The following CRYBG3 variants were observed in gnomAD, a reference collection of about 807,000 sequenced individuals.
CRYBG3 encodes very large A-kinase anchor protein.
In CRYBG3, 127 loss-of-function variants were observed where a neutral mutation model predicts 244.2. That is an observed-to-expected ratio of 0.52 (90% CI 0.45 to 0.60). The LOEUF is 0.60. Ranked by LOEUF, CRYBG3 falls within the 20% of genes least tolerant of loss-of-function variation. The pLI, the probability that CRYBG3 is intolerant of heterozygous loss-of-function variation, is 0.00. For synonymous variants in CRYBG3, 1,132 were observed against 1,195.8 expected, an observed-to-expected ratio of 0.95 and a Z score of 1.10; for missense variants, 3,325 against 3,442.5, an observed-to-expected ratio of 0.97 and a Z score of 0.85.
At position 97,912,277 on chromosome 3, in the gene CRYBG3, G is replaced by A; in HGVS notation, c.8114+1G>A. ...GTTCTTTTAAAGTTCTTCGAGGTTG[G>A]TAAGTATGCTTACTTAGTGGTTTCT... On this transcript the variant is annotated splice_donor_variant, in intron 16 of 21. Coordinates refer to ENST00000389622, the MANE Select transcript of CRYBG3 (RefSeq NM_153605.4). LOFTEE classifies it high-confidence loss of function. The A allele has an allele frequency of 6.6e-7, 1 of 1,516,874 alleles. No homozygotes were observed. The highest frequency in any genetic ancestry group is 9.1e-7 in the Non-Finnish European group (1 of 1,101,082). The allele number at this position is 1,516,874 out of a possible 1,614,324, so 94.0% of individuals were successfully genotyped here. A position where few individuals can be genotyped will look rare whatever the true frequency, so the allele number is the denominator to read the frequency against.
intron 1 of CRYBG3, among the ~76,000 whole-genome samples, chr3:97,842,416 C>T (rs751327110): frequency 3.9e-5 from 6 of 151,944 alleles, no homozygotes. Context: ...AATGAAATAA[C>T]TGGGCATGGT....
At position 97,879,704 on chromosome 3, in the gene CRYBG3, A is replaced by C. The variant is rs1252655831; in HGVS notation, c.6844A>C (p.Asn2282His). The C allele has an allele frequency of 1.3e-6, 2 of 1,598,160 alleles. No individual in the cohort carries two copies. The highest frequency in any genetic ancestry group is 1.7e-5 in the Admixed American group (1 of 57,628). The part of the protein sequence containing the change: ...SPGRLSPFIE[N>H]VDKQTLRCNP... ...TACTTTTCCACTTTTATTATTTCAG[A>C]ATGTTGACAAACAAACTCTGAGATG... Residue 2282 changes from asparagine (N) to histidine (H), a missense_variant and splice_region_variant, in exon 5 of 22, where the codon AAT (asparagine) becomes CAT (histidine). This residue lies in a region of CRYBG3 where 450 missense variants were observed against 424.1 expected (regional missense o/e 1.06). Transcript: ENST00000389622.
Position 97,889,342 on chromosome 3 carries a change from T to G in CRYBG3, c.7405-13T>G, listed in dbSNP as rs762043098. The G allele has an allele frequency of 1.3e-6, 2 of 1,594,032 alleles. No individual in the cohort carries two copies. Among genetic ancestry groups the G allele is most frequent in the Non-Finnish European group, 1.7e-6 (2 of 1,162,066 alleles). Reference sequence around the variant, plus strand: ...TTTACCTGTCTAATATTAAACTATCTTGTCATCTTAAGGGTGGACTGAAAG... The same window carrying G: ...TTTACCTGTCTAATATTAAACTATCGTGTCATCTTAAGGGTGGACTGAAAG... On this transcript the variant is annotated splice_polypyrimidine_tract_variant and intron_variant, in intron 9 of 21. Transcript: ENST00000389622.
chr3:97,934,647 G>A (rs951170427), intron 18 of CRYBG3, among the ~76,000 whole-genome samples: 10 of 152,026 alleles, frequency 6.6e-5, no homozygotes, highest in African/African-American at 2.2e-4. Flanking sequence ...ATAAGTGGAG[G>A]TGAAAATTAA....
Position 97,874,400 on chromosome 3 carries a change from A to C in CRYBG3, c.3206A>C (p.Glu1069Ala). 1 of 1,534,110 alleles carries C rather than the reference A, an allele frequency of 6.5e-7. No individual in the cohort carries two copies. Among genetic ancestry groups the C allele is most frequent in the Non-Finnish European group, 8.7e-7 (1 of 1,146,342 alleles). ...SVSSSSSYPE[E>A]VSMIVNSHKP... ...TCATCTTCCTCTAGTTACCCTGAAG[A>C]AGTTAGCATGATAGTAAATTCACAT... Residue 1069 changes from glutamate to alanine, a missense_variant, in exon 4 of 22, where the codon GAA (glutamate) becomes GCA (alanine). Glu to Ala is a moderately radical substitution (Grantham distance 107, BLOSUM62 -1). This residue lies in a region of CRYBG3 where 1,526 missense variants were observed against 1,443.2 expected (regional missense o/e 1.06). Coordinates refer to ENST00000389622, the MANE Select transcript of CRYBG3 (RefSeq NM_153605.4).
rs1224980602 is a variant in CRYBG3, at chr3:97,873,715, G to T, written c.2521G>T (p.Val841Leu). The change falls in exon 4 of 22, where the codon GTA becomes TTA. Residue 841 changes from valine (V) to leucine (L), a missense_variant. Val to Leu is a conservative substitution (Grantham distance 32, BLOSUM62 1). Coordinates refer to ENST00000389622, the MANE Select transcript of CRYBG3 (RefSeq NM_153605.4). ...AGGAAAAACTATATCCTTGTCCAAGGTATCTCTTTCAAAAGTGGAGCCCAG... is the reference window on the plus strand; with the variant it reads ...AGGAAAAACTATATCCTTGTCCAAGTTATCTCTTTCAAAAGTGGAGCCCAG... ...GRGKTISLSK[V>L]SLSKVEPRNI... The T allele has an allele frequency of 1.3e-6, 2 of 1,535,900 alleles. No homozygotes were observed. The highest frequency in any genetic ancestry group is 2.0e-5 in the Admixed American group (1 of 50,984).
intron 3 of CRYBG3, among the ~76,000 whole-genome samples, chr3:97,869,979 C>T (rs1298709254): frequency 6.6e-6 from 1 of 151,792 alleles, no homozygotes; most frequent in East Asian, 1.9e-4. Flanking sequence ...TTAAAGTTGG[C>T]AATAAAATGT....
chr3:97,828,545 A>T (rs1404091446), intron 1 of CRYBG3, among the ~76,000 whole-genome samples: 2 of 150,542 alleles, frequency 1.3e-5, no homozygotes, highest in Non-Finnish European at 3.0e-5. Flanking sequence ...AAAAAAAAAA[A>T]GCCGGGCGTG....
intron 18 of CRYBG3, among the ~76,000 whole-genome samples, chr3:97,935,430 A>G (rs2040152934): frequency 6.6e-6 from 1 of 151,944 alleles, no homozygotes; most frequent in African/African-American, 2.4e-5. Flanking sequence ...CATCCATCTC[A>G]TTCATCTCTC....
chr3:97,881,442 G>A (rs759560705), intron 7 of CRYBG3, among the ~76,000 whole-genome samples: 29 of 152,262 alleles, frequency 1.9e-4, no homozygotes, highest in African/African-American at 4.3e-4. Flanking sequence ...TGGGCCGGGC[G>A]TGGTGGCTCA....
At chr3:97,887,777 A>G (rs1317095593) in intron 8 of CRYBG3, among the ~76,000 whole-genome samples, 1 of 152,100 alleles carries the variant, frequency 6.6e-6, no homozygotes, top group African/African-American at 2.4e-5. Flanking sequence ...AACAAAAACA[A>G]AAACAAAAAA....
In CRYBG3 at chr3:97,941,378, A is replaced by G. The variant is rs982343288; in HGVS notation, c.8664+72A>G. On this transcript the variant is annotated intron_variant, in intron 20 of 21. Coordinates refer to ENST00000389622, the MANE Select transcript of CRYBG3 (RefSeq NM_153605.4). ...TATTTTGAAAACTAGAATCCTGTCA[A>G]ATCAACTGGCATGATAAAACAATGC... 2.7e-6 allele frequency: 3 copies of G among 1,109,646 alleles called. No homozygotes were observed. The African/African-American group carries it at 4.7e-5, about 17-fold the overall frequency. 68.7% of individuals were successfully genotyped at this position (1,109,646 alleles called of 1,614,324 possible).
chr3:97,885,771 A>C (rs1009854064), intron 7 of CRYBG3, among the ~76,000 whole-genome samples: 1 of 152,036 alleles, frequency 6.6e-6, no homozygotes, highest in South Asian at 2.1e-4. Context: ...TTGGTGTCCT[A>C]TTATAGAAAG....
chr3:97,940,316 T>C (rs912775356), intron 19 of CRYBG3, among the ~76,000 whole-genome samples: 1 of 152,068 alleles, frequency 6.6e-6, no homozygotes, highest in Non-Finnish European at 1.5e-5. Context: ...GAGAGCATCC[T>C]GGTTAAGAGG....
intron 2 of CRYBG3, among the ~76,000 whole-genome samples, chr3:97,854,286 GT>G (rs918913643): frequency 3.8e-4 from 58 of 151,866 alleles, no homozygotes; most frequent in African/African-American, 1.3e-3. Flanking sequence ...GTTGTTGTTT[GT>G]TTGTTTTTTG....
chr3:97,852,015 A>T (rs1458406668), intron 2 of CRYBG3, among the ~76,000 whole-genome samples: 1 of 152,202 alleles, frequency 6.6e-6, no homozygotes, highest in Non-Finnish European at 1.5e-5. Context: ...GAAAGGAGAC[A>T]TAGCATGGCC....
intron 7 of CRYBG3, among the ~76,000 whole-genome samples, chr3:97,883,158 G>A (rs1559732191): frequency 6.6e-6 from 1 of 152,180 alleles, no homozygotes; most frequent in Non-Finnish European, 1.5e-5. Flanking sequence ...GTTCCTGGCA[G>A]AGCCACTTTT....
Position 97,873,606 on chromosome 3 carries a change from C to T in CRYBG3, c.2412C>T (p.Ser804=). 1 of 1,534,382 alleles carries T rather than the reference C, an allele frequency of 6.5e-7. No individual in the cohort carries two copies. Among genetic ancestry groups the T allele is most frequent in the Non-Finnish European group, 8.7e-7 (1 of 1,146,242 alleles). The part of the protein sequence containing the change: ...MSIIEKSDSL[S]LEAKTANIVS... ...TAATAGAGAAGTCTGATTCTCTTTC[C>T]TTGGAAGCCAAAACTGCTAACATTG... The change falls in exon 4 of 22, where the codon TCC becomes TCT. Residue 804 remains serine (S), a synonymous_variant. Transcript: ENST00000389622.
intron 15 of CRYBG3, among the ~76,000 whole-genome samples, chr3:97,906,696 G>C (rs2108245462): frequency 6.8e-6 from 1 of 147,558 alleles, no homozygotes; most frequent in Non-Finnish European, 1.5e-5. Context: ...TGCAAACAGG[G>C]ACAATTTGAC....
Sources: allele counts gnomAD v4.1 joint callset (sites outside exome capture counted in the v4.1 genomes callset), GRCh38; gene constraint gnomAD v4.1.1; regional missense constraint gnomAD v4.1.1; transcripts MANE v1.5; gene names NCBI Gene and HGNC (gene_info 2026-07-23, HGNC 2026-07-21).